The following ZSCAN4 variants were observed in gnomAD, a reference collection of about 807,000 sequenced individuals.
ZSCAN4 encodes zinc finger and SCAN domain containing 4.
Under a neutral mutation model 18.3 loss-of-function variants are expected in ZSCAN4, and 18 were observed. The observed-to-expected ratio is 0.98, with a 90% CI of 0.68 to 1.46. The LOEUF (loss-of-function observed/expected upper bound fraction) is 1.46, where lower values mean the gene tolerates loss of function less well. Ranked by LOEUF, ZSCAN4 falls within the 40% of genes most tolerant of loss-of-function variation. The pLI is 0.00. For synonymous variants in ZSCAN4, 193 were observed against 180.3 expected, an observed-to-expected ratio of 1.07 and a Z score of -0.57; for missense variants, 498 against 511.4, an observed-to-expected ratio of 0.97 and a Z score of 0.25.
upstream of ZSCAN4, among the ~76,000 whole-genome samples, chr19:57,667,894 TTTTGTTTG>T (rs1555807311): frequency 2.6e-5 from 1 of 37,836 alleles, no homozygotes; most frequent in Non-Finnish European, 7.3e-5. Context: ...TTTGTTTGTT[TTTTGTTTG>T]TTTGTTTGTT....
At chr19:57,662,598 A>G in the ZSCAN4 span, among the ~76,000 whole-genome samples, 3 of 152,172 alleles carry the variant, frequency 2.0e-5, no homozygotes, top group African/African-American at 7.2e-5. Context: ...GTCTCACTCT[A>G]TTGCCCAGAC....
chr19:57,655,260 G>A, the ZSCAN4 span, among the ~76,000 whole-genome samples: 1 of 152,110 alleles, frequency 6.6e-6, no homozygotes, highest in Non-Finnish European at 1.5e-5. Context: ...CACATCACGT[G>A]GGCCCATCCT....
intron 2 of ZSCAN4, among the ~76,000 whole-genome samples, chr19:57,672,629 A>G (rs1297560387): frequency 2.7e-5 from 4 of 147,558 alleles, no homozygotes; most frequent in Admixed American, 1.4e-4. Flanking sequence ...TTGAGACAGA[A>G]TCTTGCTCTG....
At chr19:57,674,746 A>G (rs184444509) in intron 2 of ZSCAN4, among the ~76,000 whole-genome samples, 37 of 152,218 alleles carry the variant, frequency 2.4e-4, no homozygotes, top group Non-Finnish European at 2.9e-5. Flanking sequence ...ACTGTTTTCC[A>G]TAGAGGTTAA....
exon 5 of ZSCAN4, chr19:57,678,496 G>T (rs762889569): frequency 5.0e-6 from 8 of 1,614,178 alleles, no homozygotes; most frequent in Non-Finnish European, 6.8e-6. Context: ...AATTCCACAT[G>T]TGAGGTACAT....
intron 2 of ZSCAN4, among the ~76,000 whole-genome samples, chr19:57,675,534 G>A (rs1171095305): frequency 1.3e-5 from 2 of 152,090 alleles, no homozygotes; most frequent in African/African-American, 2.4e-5. Context: ...CGCCCTCCTC[G>A]GCCTCCCACA....
chr19:57,667,894 T>TG (rs112338176), upstream of ZSCAN4, among the ~76,000 whole-genome samples: 609 of 37,860 alleles, frequency 0.016, 1 homozygote, highest in Middle Eastern at 0.052. Context: ...TTTGTTTGTT[T>TG]TTTGTTTGTT....
chr19:57,674,377 T>C (rs1363182698), intron 2 of ZSCAN4, among the ~76,000 whole-genome samples: 2 of 152,226 alleles, frequency 1.3e-5, no homozygotes, highest in Non-Finnish European at 2.9e-5. Context: ...CTTATGTCCA[T>C]GTGTACCCAC....
upstream of ZSCAN4, among the ~76,000 whole-genome samples, chr19:57,667,325 C>T (rs1438272174): frequency 6.6e-6 from 1 of 152,196 alleles, no homozygotes; most frequent in Non-Finnish European, 1.5e-5. Flanking sequence ...TGGTTTTACA[C>T]AGTGGCTGTG....
the ZSCAN4 span, among the ~76,000 whole-genome samples, chr19:57,663,519 C>CAAAAAAAA: frequency 1.6e-4 from 3 of 18,312 alleles, no homozygotes; most frequent in African/African-American, 6.5e-4. Context: ...AACCATGTCT[C>CAAAAAAAA]TAAAAAAAAA....
upstream of ZSCAN4, among the ~76,000 whole-genome samples, chr19:57,666,488 T>C (rs9304797): frequency 0.014 from 2,115 of 152,080 alleles, 40 homozygotes; most frequent in African/African-American, 0.047. Context: ...CGGATGAATG[T>C]TGTTCCTTTT....
At chr19:57,651,658 G>A in the ZSCAN4 span, among the ~76,000 whole-genome samples, 2 of 152,242 alleles carry the variant, frequency 1.3e-5, no homozygotes, top group East Asian at 1.9e-4. Flanking sequence ...TCTGAAACCC[G>A]GGACGACGCT....
At chr19:57,651,510 C>A in the ZSCAN4 span, among the ~76,000 whole-genome samples, 2 of 152,192 alleles carry the variant, frequency 1.3e-5, no homozygotes, top group African/African-American at 2.4e-5. Flanking sequence ...CCCGCCTAGA[C>A]CTATAATTAC....
intron 2 of ZSCAN4, among the ~76,000 whole-genome samples, chr19:57,671,007 G>A (rs74337716): frequency 0.17 from 25,683 of 151,744 alleles, 2,245 homozygotes; most frequent in East Asian, 0.26. Flanking sequence ...GACCACAGGC[G>A]CACACCACCA....
upstream of ZSCAN4, chr19:57,664,991 G>A: frequency 6.1e-6 from 1 of 164,790 alleles, no homozygotes; most frequent in Admixed American, 6.1e-5. Flanking sequence ...TAACAATGAG[G>A]CTAAACTGGG....
Position 57,679,101 on chromosome 19 carries a change from T to A in ZSCAN4, c.*196T>A, listed in dbSNP as rs1475246504. The A allele has an allele frequency of 6.4e-6, 3 of 467,598 alleles. No individual in the cohort carries two copies. The East Asian group carries it at 1.1e-4, about 18-fold the overall frequency. The allele number at this position is 467,598 out of a possible 1,614,324, so 29.0% of individuals were successfully genotyped here. ...AAAGTATTCCAAGTGGTTGGGAAAG[T>A]GGAACATTTCCAAGAACCAATAAAT... On this transcript the variant is annotated 3_prime_UTR_variant, in exon 5 of 5. Coordinates refer to ENST00000318203, the Ensembl canonical transcript of ZSCAN4.
the ZSCAN4 span, among the ~76,000 whole-genome samples, chr19:57,658,662 C>T: frequency 3.7e-4 from 56 of 151,850 alleles, no homozygotes; most frequent in East Asian, 5.4e-3. Context: ...GGCGAAACCC[C>T]GTCCCTACTA....
intron 2 of ZSCAN4, among the ~76,000 whole-genome samples, chr19:57,672,212 A>G (rs553561271): frequency 6.6e-6 from 1 of 152,300 alleles, no homozygotes; most frequent in African/African-American, 2.4e-5. Flanking sequence ...AACATAAAAT[A>G]GTAGCTTTGG....
chr19:57,678,794 A>G (rs747216222), exon 5 of ZSCAN4: 6 of 1,613,968 alleles, frequency 3.7e-6, no homozygotes, highest in Non-Finnish European at 3.4e-6. Context: ...AGCCTTATAC[A>G]TGTCCCTTTT....
Sources: allele counts gnomAD v4.1 joint callset (sites outside exome capture counted in the v4.1 genomes callset), GRCh38; gene constraint gnomAD v4.1.1; transcripts MANE v1.5; gene names NCBI Gene and HGNC (gene_info 2026-07-23, HGNC 2026-07-21).